The following NLRP13 variants were observed in gnomAD, a reference collection of about 807,000 sequenced individuals.
NLRP13 encodes NACHT, LRR and PYD domains-containing protein 13.
NLRP13 carries 82 observed loss-of-function variants against 94.4 expected under a neutral mutation model. That is an observed-to-expected ratio of 0.87 (90% CI 0.73 to 1.04). The LOEUF (loss-of-function observed/expected upper bound fraction) is 1.04, where lower values mean the gene tolerates loss of function less well. NLRP13 is among the 50% of genes least tolerant of loss of function. The pLI is 0.00. For synonymous variants in NLRP13, 553 were observed against 464.7 expected, an observed-to-expected ratio of 1.19 and a Z score of -2.45; for missense variants, 1,426 against 1,230.8, an observed-to-expected ratio of 1.16 and a Z score of -2.37.
At chr19:55,892,140 T>A (rs946971851), downstream of NLRP13, 2 of 1,231,632 alleles carry the variant, frequency 1.6e-6, no homozygotes, top group African/African-American at 1.6e-5. Flanking sequence ...TAAGAAGTAC[T>A]GAAGTTTAGA....
chr19:55,899,507 C>A (rs1381028256), intron 9 of NLRP13, among the ~76,000 whole-genome samples: 1 of 151,992 alleles, frequency 6.6e-6, no homozygotes, highest in Non-Finnish European at 1.5e-5. Context: ...TTTGGCCGGG[C>A]ACGGTGGCTC....
downstream of NLRP13, among the ~76,000 whole-genome samples, chr19:55,895,176 C>A (rs1338498413): frequency 1.2e-4 from 18 of 147,066 alleles, no homozygotes; most frequent in Admixed American, 1.3e-3. Context: ...TGGTGAAACC[C>A]CCGTGTCTAC....
At chr19:55,901,768 G>A (rs765711094) in intron 9 of NLRP13, among the ~76,000 whole-genome samples, 13 of 152,090 alleles carry the variant, frequency 8.5e-5, no homozygotes, top group Non-Finnish European at 1.3e-4. Flanking sequence ...CTGATGAAGT[G>A]TAGCATGAAT....
At position 55,895,955 on chromosome 19, in the gene NLRP13, T is replaced by C. The variant is rs780886931; in HGVS notation, c.3122A>G (p.Lys1041Arg). The part of the protein sequence containing the change: ...ALKKSTCRLQ[K>R]LG Reference sequence around the variant, plus strand: ...AAAAGTCAGTGAGGTTTACCCGAGTTTCTGCAGCCTGCATGTCGACTTTTT... The same window carrying C: ...AAAAGTCAGTGAGGTTTACCCGAGTCTCTGCAGCCTGCATGTCGACTTTTT... The change falls in exon 11 of 11, where the codon AAA (lysine) becomes AGA (arginine). Residue 1041 changes from lysine (K) to arginine (R), a missense_variant. Transcript: ENST00000342929. 6.2e-7 allele frequency: 1 copy of C among 1,613,816 alleles called. No homozygotes were observed. The highest frequency in any genetic ancestry group is 8.5e-7 in the Non-Finnish European group (1 of 1,179,874).
intron 7 of NLRP13, among the ~76,000 whole-genome samples, chr19:55,905,454 CATATAT>C (rs1568690257): frequency 6.7e-6 from 1 of 148,848 alleles, no homozygotes; most frequent in South Asian, 2.1e-4. Flanking sequence ...TATATATATA[CATATAT>C]ACACACATAT....
chr19:55,893,829 T>TA (rs1347855345), downstream of NLRP13, among the ~76,000 whole-genome samples: 4 of 152,202 alleles, frequency 2.6e-5, no homozygotes, highest in Admixed American at 6.5e-5. Context: ...ACATGCATGA[T>TA]AGACAGCAGA....
chr19:55,920,573 G>A (rs1278501689), intron 4 of NLRP13, among the ~76,000 whole-genome samples: 8 of 152,008 alleles, frequency 5.3e-5, no homozygotes, highest in Admixed American at 2.6e-4. Flanking sequence ...TCACTAGGCA[G>A]AGAAATGCAA....
rs1248321249 is a variant in NLRP13, at chr19:55,924,665, T to C, written c.389-7A>G. The stretch of plus-strand genomic sequence containing the variant: ...CCCTGGGTCTGCATATTCCCTGAAA[T>C]AAACATTGACGATGAGATATGAAAA... On this transcript the variant is annotated splice_region_variant and splice_polypyrimidine_tract_variant and intron_variant, in intron 2 of 10. Transcript: ENST00000342929. 2.5e-6 allele frequency: 4 copies of C among 1,611,640 alleles called. No individual in the cohort carries two copies. In the South Asian group the frequency reaches 3.3e-5, roughly 13 times the overall value.
At chr19:55,911,628 T>A in intron 5 of NLRP13, 78 bp downstream of exon 5, 1 of 1,334,730 alleles carries the variant, frequency 7.5e-7, no homozygotes, top group Non-Finnish European at 1.0e-6. Context: ...AACACATCCC[T>A]GGTTTTGCAT....
chr19:55,896,213 T>C, intron 10 of NLRP13, 94 bp from the exon 11 acceptor site: 1 of 1,369,710 alleles, frequency 7.3e-7, no homozygotes, highest in Non-Finnish European at 1.0e-6. Context: ...AAACTATTAC[T>C]AAAGCAGACT....
intron 6 of NLRP13, among the ~76,000 whole-genome samples, chr19:55,909,159 A>G (rs753557573): frequency 4.6e-5 from 7 of 152,126 alleles, no homozygotes; most frequent in Non-Finnish European, 7.4e-5. Flanking sequence ...CTCAGATTCA[A>G]AGCTACGCAT....
At position 55,912,572 on chromosome 19, in the gene NLRP13, G is replaced by A. The variant is rs561112842; in HGVS notation, c.1245C>T (p.Asn415=). The stretch of plus-strand genomic sequence containing the variant: ...CACTGCAGGAATGAAAGAGAGTTTC[G>A]TTTTTTCTTAGCTGCTGCAGGATTT... ...VEKILQQLRK[N]ETLFHSCSAP... Residue 415 remains asparagine, a synonymous_variant, in exon 5 of 11, where the codon AAC becomes AAT. Coordinates refer to ENST00000342929, the MANE Select transcript of NLRP13 (RefSeq NM_176810.2). 1.3e-4 allele frequency: 213 copies of A among 1,614,150 alleles called. No homozygotes were observed. Among genetic ancestry groups the A allele is most frequent in the South Asian group, 8.3e-4 (76 of 91,074 alleles).
At chr19:55,914,690 A>G (rs1363615265) in intron 4 of NLRP13, among the ~76,000 whole-genome samples, 2 of 152,226 alleles carry the variant, frequency 1.3e-5, no homozygotes, top group African/African-American at 4.8e-5. Context: ...CTCACTTACC[A>G]TAATATCACA....
intron 8 of NLRP13, 79 bp downstream of exon 8, chr19:55,904,863 A>G: frequency 8.6e-7 from 1 of 1,165,816 alleles, no homozygotes; most frequent in Non-Finnish European, 1.2e-6. Context: ...ATATAAATAG[A>G]TATCAAATGA....
At chr19:55,921,629 A>G (rs1397360144) in intron 4 of NLRP13, among the ~76,000 whole-genome samples, 1 of 152,234 alleles carries the variant, frequency 6.6e-6, no homozygotes, top group Non-Finnish European at 1.5e-5. Context: ...ACCTGTTATG[A>G]TCCCAGAAAA....
At chr19:55,898,669 T>TA in intron 10 of NLRP13, 101 bp downstream of exon 10, 2 of 1,247,278 alleles carry the variant, frequency 1.6e-6, no homozygotes. Flanking sequence ...GGCTTGTCCT[T>TA]ACTTTGCCTC....
At chr19:55,923,048 A>C (rs59000797) in intron 4 of NLRP13, among the ~76,000 whole-genome samples, 1 of 152,302 alleles carries the variant, frequency 6.6e-6, no homozygotes, top group African/African-American at 2.4e-5. Context: ...CTTCTTTGAT[A>C]AAACTAAACT....
In NLRP13 at chr19:55,924,598, T is replaced by C. The variant is rs949826650; in HGVS notation, c.449A>G (p.Glu150Gly). The C allele has an allele frequency of 1.2e-6, 2 of 1,612,734 alleles. No homozygotes were observed. Among genetic ancestry groups the C allele is most frequent in the Non-Finnish European group, 1.7e-6 (2 of 1,178,916 alleles). ...CCAAGTAATGTACACACCTGTTTCT[T>C]CTTCTAGCTCGTCTAGTTCTTCTTG... ...PNQEELDELE[E>G]ETGNVQAQGC... The change falls in exon 3 of 11, where the codon GAA becomes GGA. Residue 150 changes from glutamate to glycine, a missense_variant. Glu to Gly is a moderately conservative substitution (Grantham distance 98). Coordinates refer to ENST00000342929, the MANE Select transcript of NLRP13 (RefSeq NM_176810.2).
Position 55,912,890 on chromosome 19 carries a change from A to G in NLRP13, c.927T>C (p.Ile309=). Residue 309 remains isoleucine, a synonymous_variant, in exon 5 of 11, where the codon ATT becomes ATC. Coordinates refer to ENST00000342929, the MANE Select transcript of NLRP13 (RefSeq NM_176810.2). The part of the protein sequence containing the change: ...FMSQPEKLLF[I]IDGFEEIIIS... ...TGATTATTTCCTCAAAGCCATCAATAATAAACAGGAGCTTCTCTGGTTGAG... is the reference window on the plus strand; with the variant it reads ...TGATTATTTCCTCAAAGCCATCAATGATAAACAGGAGCTTCTCTGGTTGAG... The G allele has an allele frequency of 6.2e-7, 1 of 1,614,228 alleles. No homozygotes were observed.
Sources: allele counts gnomAD v4.1 joint callset (sites outside exome capture counted in the v4.1 genomes callset), GRCh38; gene constraint gnomAD v4.1.1; transcripts MANE v1.5; gene names NCBI Gene and HGNC (gene_info 2026-07-23, HGNC 2026-07-21).